The following ANKRD30A variants were observed in gnomAD, a reference collection of about 807,000 sequenced individuals.
ANKRD30A encodes ankyrin repeat domain-containing protein 30A.
ANKRD30A carries 170 observed loss-of-function variants against 166.3 expected under a neutral mutation model. The ratio of observed to expected loss-of-function variants is 1.02; its 90% CI spans 0.90 to 1.16. The LOEUF (loss-of-function observed/expected upper bound fraction) is 1.16, where lower values mean the gene tolerates loss of function less well. Among genes scored for constraint, ANKRD30A ranks in the 50% most tolerant of loss-of-function variants. The probability of loss-of-function intolerance (pLI) is 0.00; values close to 1 mark genes in which losing one functional copy is unlikely to be tolerated. For missense variants in ANKRD30A, 1,630 were observed against 1,518.0 expected (o/e 1.07, Z -1.23); for synonymous variants, 564 against 508.9 (o/e 1.11, Z -1.46).
intron 5 of ANKRD30A, among the ~76,000 whole-genome samples, chr10:37,134,308 G>A (rs1338143896): frequency 6.6e-6 from 1 of 152,058 alleles, no homozygotes; most frequent in Non-Finnish European, 1.5e-5. Context: ...ACCTGATAGT[G>A]TCCTCTGGGG....
At position 37,200,101 on chromosome 10, in the gene ANKRD30A, C is replaced by G. The variant is rs11011068; in HGVS notation, c.2778+313C>G. The stretch of plus-strand genomic sequence containing the variant: ...AAAAGCAAAAGAATTACACTGAGTC[C>G]AGCTCTGGGCAAATATATGATTCTG... On this transcript the variant is annotated intron_variant, in intron 30 of 35. Coordinates refer to ENST00000361713, the MANE Select transcript of ANKRD30A (RefSeq NM_052997.3). Among the ~76,000 whole-genome samples the G allele has an allele frequency of 1.3e-4, 20 of 152,052 alleles. No homozygotes were observed. In the East Asian group the frequency reaches 2.7e-3, roughly 21 times the overall value.
rs184632610 is a variant in ANKRD30A, at chr10:37,226,722, T to A, written c.4186-4739T>A. ...TTGGGTGTATACTTATGAGTGGAAT[T>A]GCTGAGTCATATGGTAGTCTATGTT... On this transcript the variant is annotated intron_variant, in intron 34 of 35. Coordinates refer to ENST00000361713, the MANE Select transcript of ANKRD30A (RefSeq NM_052997.3). 6.6e-5 allele frequency among the ~76,000 whole-genome samples: 10 copies of A among 152,004 alleles called. No homozygotes were observed. In the East Asian group the frequency reaches 1.9e-3, roughly 30 times the overall value.
intron 6 of ANKRD30A, among the ~76,000 whole-genome samples, chr10:37,137,564 A>G (rs528181596): frequency 1.3e-4 from 20 of 152,304 alleles, no homozygotes; most frequent in African/African-American, 4.8e-4. Flanking sequence ...CAAACGGCAC[A>G]CCAGGAGATT....
chr10:37,220,522 A>C (rs533617411), intron 34 of ANKRD30A, among the ~76,000 whole-genome samples: 4 of 151,220 alleles, frequency 2.6e-5, no homozygotes, highest in African/African-American at 9.7e-5. Context: ...ATGTATTGTT[A>C]TAACCTCAAT....
chr10:37,164,459 C>A (rs1432252826), intron 17 of ANKRD30A, among the ~76,000 whole-genome samples: 1 of 151,686 alleles, frequency 6.6e-6, no homozygotes, highest in African/African-American at 2.4e-5. Flanking sequence ...GATATTGTTG[C>A]ATTAGGGAAG....
chr10:37,190,023 A>C (rs953915345), intron 25 of ANKRD30A, among the ~76,000 whole-genome samples: 4 of 151,888 alleles, frequency 2.6e-5, no homozygotes, highest in African/African-American at 7.3e-5. Flanking sequence ...AAATATTCTG[A>C]CTCTTAATGT....
intron 31 of ANKRD30A, among the ~76,000 whole-genome samples, chr10:37,212,432 T>C (rs977905591): frequency 7.9e-5 from 12 of 151,994 alleles, no homozygotes; most frequent in Admixed American, 5.9e-4. Flanking sequence ...GTCGTAAAAA[T>C]GGCCATACTG....
At chr10:37,234,212 T>C (rs1843572571), downstream of ANKRD30A, among the ~76,000 whole-genome samples, 1 of 152,232 alleles carries the variant, frequency 6.6e-6, no homozygotes, top group South Asian at 2.1e-4. Flanking sequence ...TAACTACGTA[T>C]ACTTTTTCCA....
intron 25 of ANKRD30A, among the ~76,000 whole-genome samples, chr10:37,191,769 G>A (rs933329024): frequency 1.3e-5 from 2 of 151,938 alleles, no homozygotes; most frequent in Non-Finnish European, 2.9e-5. Flanking sequence ...GCAAAGGTGG[G>A]TGGATCACGA....
At chr10:37,255,539 T>C in the ANKRD30A span, among the ~76,000 whole-genome samples, 1 of 152,230 alleles carries the variant, frequency 6.6e-6, no homozygotes, top group Non-Finnish European at 1.5e-5. Context: ...GAGGCATTAA[T>C]TACATTCAGA....
chr10:37,232,679 T>G (rs1425101782), downstream of ANKRD30A: 1 of 7,420 alleles, frequency 1.3e-4, no homozygotes, highest in African/African-American at 1.8e-4. Context: ...TATATATATA[T>G]ATATATATAT....
chr10:37,231,505 A>G lies in ANKRD30A; in HGVS notation c.*36A>G. The G allele has an allele frequency of 1.3e-6, 2 of 1,571,906 alleles. No homozygotes were observed. Among genetic ancestry groups the G allele is most frequent in the South Asian group, 1.2e-5 (1 of 84,872 alleles). ...GTAAGAAACTTCTTTTGGAGAAACA[A>G]CAGACCAGATCTTTACTCACAACTC... is the stretch of plus-strand genomic sequence containing the variant. On this transcript the variant is annotated 3_prime_UTR_variant, in exon 35 of 36. Coordinates refer to ENST00000361713, the MANE Select transcript of ANKRD30A (RefSeq NM_052997.3).
At chr10:37,153,997 T>G (rs1404004950) in intron 13 of ANKRD30A, among the ~76,000 whole-genome samples, 1 of 152,100 alleles carries the variant, frequency 6.6e-6, no homozygotes, top group African/African-American at 2.4e-5. Flanking sequence ...AGAAGCAGGT[T>G]TATATAGTGG....
intron 34 of ANKRD30A, among the ~76,000 whole-genome samples, chr10:37,229,442 T>C (rs963695891): frequency 2.0e-5 from 3 of 152,020 alleles, no homozygotes; most frequent in Non-Finnish European, 4.4e-5. Context: ...TGTGTAATGC[T>C]CAAATCAAGA....
At position 37,132,327 on chromosome 10, in the gene ANKRD30A, G is replaced by A. The variant is rs568523705; in HGVS notation, c.598G>A (p.Ala200Thr). The part of the protein sequence containing the change: ...FLLIKNANAN[A>T]VNKYKCTALM... ...GCTGATAAAAAATGCAAATGCGAAT[G>A]CAGTTAATAAGTATAAATGGTATAG... Residue 200 changes from alanine to threonine, a missense_variant, in exon 4 of 36, where the codon GCA becomes ACA. Physicochemically the swap from Ala to Thr is moderately conservative, Grantham distance 58. This residue lies in a region of ANKRD30A where 904 missense variants were observed against 818.5 expected (regional missense o/e 1.10). Coordinates refer to ENST00000361713, the MANE Select transcript of ANKRD30A (RefSeq NM_052997.3). 48 of 1,598,134 alleles carry A rather than the reference G, an allele frequency of 3.0e-5. No homozygotes were observed. In the South Asian group the frequency reaches 4.7e-4, roughly 16 times the overall value.
chr10:37,216,201 A>T lies in ANKRD30A; in HGVS notation c.2890A>T (p.Ile964Phe). ...KLEDSTSLSK[I>F]LDTVHSCERA... ...GACAGATTCAACTAGCCTATCAAAA[A>T]TCTTGGATACAGTTCATTCTTGTGA... Residue 964 changes from isoleucine (I) to phenylalanine (F), a missense_variant, in exon 32 of 36, where the codon ATC becomes TTC. Ile to Phe is a conservative substitution (Grantham distance 21). Around this residue, in one of 4 missense-constraint regions of ANKRD30A, gnomAD observed 712 missense variants for 629.3 expected, o/e 1.13. Coordinates refer to ENST00000361713, the MANE Select transcript of ANKRD30A (RefSeq NM_052997.3). The T allele has an allele frequency of 6.2e-7, 1 of 1,601,756 alleles. No homozygotes were observed. Among genetic ancestry groups the T allele is most frequent in the Non-Finnish European group, 8.5e-7 (1 of 1,172,118 alleles).
intron 25 of ANKRD30A, among the ~76,000 whole-genome samples, chr10:37,192,373 A>G (rs1179789615): frequency 6.6e-6 from 1 of 151,952 alleles, no homozygotes; most frequent in Non-Finnish European, 1.5e-5. Flanking sequence ...GTATGCTTGG[A>G]CCTTTTTGTA....
chr10:37,247,875 C>G, the ANKRD30A span, among the ~76,000 whole-genome samples: 133 of 145,506 alleles, frequency 9.1e-4, no homozygotes, highest in African/African-American at 3.2e-3. Context: ...GAGTGAGACT[C>G]CATCTCAAAA....
intron 21 of ANKRD30A, among the ~76,000 whole-genome samples, chr10:37,171,419 G>A (rs1302996530): frequency 3.3e-5 from 5 of 149,314 alleles, no homozygotes; most frequent in Non-Finnish European, 5.9e-5. Flanking sequence ...TTTCCAATAC[G>A]CATTACAACT....
Sources: gnomAD v4.1 joint callset for allele counts (sites outside exome capture counted in the v4.1 genomes callset) on GRCh38, gnomAD v4.1.1 for gene constraint, gnomAD v4.1.1 regional missense constraint, MANE v1.5 for transcripts, NCBI Gene and HGNC (gene_info 2026-07-23, HGNC 2026-07-21) for gene names.